FN1: variants seen among roughly 807,000 people sequenced by gnomAD.
FN1 encodes the protein fibronectin 1.
FN1 carries 106 observed loss-of-function variants against 297.3 expected under a neutral mutation model. That is an observed-to-expected ratio of 0.36 (90% CI 0.30 to 0.42). FN1 has a LOEUF of 0.42. Among genes scored for constraint, FN1 ranks in the 10% least tolerant of loss-of-function variants. The pLI, the probability that FN1 is intolerant of heterozygous loss-of-function variation, is 1.00. For missense variants in FN1, 2,690 were observed against 3,124.9 expected, an observed-to-expected ratio of 0.86 and a Z score of 3.32; for synonymous variants, 1,149 against 1,152.6, an observed-to-expected ratio of 1.00 and a Z score of 0.06.
At chr2:215,433,221 A>G (rs1398281604) in intron 3 of FN1, 103 bp downstream of exon 3, 4 of 1,476,400 alleles carry the variant, frequency 2.7e-6, no homozygotes, top group Non-Finnish European at 3.8e-6. Context: ...GCAAACCTCA[A>G]AGTTCGGAAT....
In FN1 at chr2:215,397,227, T is replaced by C. The variant is rs775279985; in HGVS notation, c.3518-4A>G. ...AAGTTTGTTGGTGGAGACAATGCTA[T>C]GCAGAAAGAACATTTTAAAAGTCAA... On this transcript the variant is annotated splice_region_variant and splice_polypyrimidine_tract_variant and intron_variant, in intron 22 of 45. Coordinates refer to ENST00000354785, the MANE Select transcript of FN1 (RefSeq NM_212482.4). 1.0e-5 allele frequency: 16 copies of C among 1,607,192 alleles called. No individual in the cohort carries two copies. The South Asian group carries it at 1.1e-4, about 11-fold the overall frequency.
At chr2:215,395,893 A>G (rs1414798634) in intron 23 of FN1, among the ~76,000 whole-genome samples, 1 of 116,444 alleles carries the variant, frequency 8.6e-6, no homozygotes, top group Non-Finnish European at 1.8e-5. Flanking sequence ...TGCTGCTAAC[A>G]AGCACGAAGA....
rs34085634 is a variant in FN1, at chr2:215,371,271, G to GAA, written c.6714+636_6714+637dup. Among the ~76,000 whole-genome samples, 614 of 146,958 alleles carry GAA rather than the reference G, an allele frequency of 4.2e-3. 11 individuals carry two copies. The highest frequency in any genetic ancestry group is 0.035 in the Admixed American group (517 of 14,860). The stretch of plus-strand genomic sequence containing the variant: ...CCATAGAGCAAGACTCCATCTCGGG[G>GAA]AAAAAAAAAAATGGATACTGTCAAC... On this transcript the variant is annotated intron_variant, in intron 40 of 45. Coordinates refer to ENST00000354785, the MANE Select transcript of FN1 (RefSeq NM_212482.4).
At chr2:215,369,075 A>G (rs1169516980) in intron 41 of FN1, among the ~76,000 whole-genome samples, 1 of 152,156 alleles carries the variant, frequency 6.6e-6, no homozygotes, top group Non-Finnish European at 1.5e-5. Context: ...GAACCTGGTT[A>G]GAATGTAGAA....
chr2:215,364,816 C>A, intron 44 of FN1, 63 bp downstream of exon 44: 1 of 1,108,528 alleles, frequency 9.0e-7, no homozygotes, highest in Non-Finnish European at 1.3e-6. Flanking sequence ...TACGACACAT[C>A]CTTGCAGGAG....
At chr2:215,435,613 C>G in intron 1 of FN1, 42 bp downstream of exon 1, 1 of 1,612,052 alleles carries the variant, frequency 6.2e-7, no homozygotes, top group Non-Finnish European at 8.5e-7. Flanking sequence ...TTTAGGGTCC[C>G]ATCCCTGAGG....
rs11693652 is a variant in FN1, at chr2:215,424,072, G to A, written c.1216+74C>T. 0.23 allele frequency: 334,055 copies of A among 1,468,950 alleles called. 42,086 individuals are homozygous for A. Among genetic ancestry groups the A allele is most frequent in the African/African-American group, 0.29 (20,649 of 72,134 alleles). The allele number at this position is 1,468,950 out of a possible 1,614,324, so 91.0% of individuals were successfully genotyped here. ...TGGGCGGGTTCAAAATAAATGGCTA[G>A]AATGCTGGCAAATAAAACTAGGGCA... On this transcript the variant is annotated intron_variant, in intron 8 of 45. Coordinates refer to ENST00000354785, the MANE Select transcript of FN1 (RefSeq NM_212482.4).
At position 215,364,903 on chromosome 2, in the gene FN1, G is replaced by A. The variant is rs1384262638; in HGVS notation, c.7227C>T (p.Ser2409=). 10 of 1,565,900 alleles carry A rather than the reference G, an allele frequency of 6.4e-6. No individual in the cohort carries two copies. Among genetic ancestry groups the A allele is most frequent in the Non-Finnish European group, 7.8e-6 (9 of 1,154,354 alleles). ...CCCGCTGGCCTCCAAAGCATGTGCA[G>A]GAGCAAATGGCACCGAGATATTCCT... ...WQKEYLGAIC[S]CTCFGGQRGW... The change falls in exon 44 of 46, where the codon TCC becomes TCT. Residue 2409 remains serine (S), a synonymous_variant. Coordinates refer to ENST00000354785, the MANE Select transcript of FN1 (RefSeq NM_212482.4).
At chr2:215,371,088 T>C (rs1263026038) in intron 40 of FN1, among the ~76,000 whole-genome samples, 1 of 150,872 alleles carries the variant, frequency 6.6e-6, no homozygotes, top group East Asian at 2.1e-4. Flanking sequence ...GCCAACATCG[T>C]GAAACCCCGT....
At chr2:215,371,311 A>G (rs1186240724) in intron 40 of FN1, among the ~76,000 whole-genome samples, 2 of 151,968 alleles carry the variant, frequency 1.3e-5, no homozygotes, top group African/African-American at 2.4e-5. Context: ...ATTAAATAAT[A>G]TACGTTTTAG....
intron 38 of FN1, among the ~76,000 whole-genome samples, chr2:215,373,656 C>T (rs866729698): frequency 4.7e-5 from 7 of 149,642 alleles, no homozygotes; most frequent in Non-Finnish European, 7.4e-5. Flanking sequence ...TTTTGGCTAA[C>T]TTTTCCAGGG....
Position 215,406,221 on chromosome 2 carries a change from GA to G in FN1, c.2986+16del. ...GTGGAGAATTTGGAGGGGAGATAGA[GA>G]TAGGAGAAGACATACTGGTTGTCTG... On this transcript the variant is annotated intron_variant, in intron 19 of 45. Transcript: ENST00000354785. The G allele has an allele frequency of 6.2e-7, 1 of 1,613,242 alleles. No homozygotes were observed.
chr2:215,375,452 C>T lies in FN1; in HGVS notation c.5978-59G>A, dbSNP rs964996880. 4.7e-6 allele frequency: 7 copies of T among 1,502,844 alleles called. No homozygotes were observed. The South Asian group carries it at 5.8e-5, about 13-fold the overall frequency. 93.1% of individuals were successfully genotyped at this position (1,502,844 alleles called of 1,614,324 possible). ...CAAATAACCAAGAAAATTACTCCCA[C>T]ACTTTTCTCCCGAGCCGTTCTAAAC... On this transcript the variant is annotated intron_variant, in intron 37 of 45. Transcript: ENST00000354785.
chr2:215,370,243 C>G lies in FN1; in HGVS notation c.6853+51G>C, dbSNP rs527529776. Reference sequence around the variant, plus strand: ...GTACAGTCAACAGAAAAGCCCATCTCTGGTGTACAGCAGAGGGGAGCCTGT... The same window carrying G: ...GTACAGTCAACAGAAAAGCCCATCTGTGGTGTACAGCAGAGGGGAGCCTGT... On this transcript the variant is annotated intron_variant, in intron 41 of 45. Transcript: ENST00000354785. 305 of 1,595,814 alleles carry G rather than the reference C, an allele frequency of 1.9e-4. 4 individuals carry two copies. The South Asian group carries it at 3.0e-3, about 16-fold the overall frequency.
At chr2:215,401,120 A>G (rs2060964441) in intron 20 of FN1, among the ~76,000 whole-genome samples, 2 of 151,040 alleles carry the variant, frequency 1.3e-5, no homozygotes, top group Admixed American at 1.3e-4. Context: ...TCTTATTTTT[A>G]AATAAAAGAT....
chr2:215,413,503 A>G (rs944283522), intron 13 of FN1, among the ~76,000 whole-genome samples: 1 of 152,186 alleles, frequency 6.6e-6, no homozygotes, highest in African/African-American at 2.4e-5. Context: ...TTAATTATCC[A>G]CAAGCCTACT....
intron 38 of FN1, among the ~76,000 whole-genome samples, chr2:215,373,686 T>C (rs1405439301): frequency 9.3e-5 from 3 of 32,194 alleles, no homozygotes; most frequent in Non-Finnish European, 4.1e-4. Flanking sequence ...TTTTTTTTTT[T>C]TTTTTTTTTT....
Position 215,379,224 on chromosome 2 carries a change from T to A in FN1, c.5528A>T (p.Tyr1843Phe). 1 of 1,614,096 alleles carries A rather than the reference T, an allele frequency of 6.2e-7. No individual in the cohort carries two copies. Among genetic ancestry groups the A allele is most frequent in the Non-Finnish European group, 8.5e-7 (1 of 1,180,000 alleles). Residue 1843 changes from tyrosine (Y) to phenylalanine (F), a missense_variant, in exon 34 of 46, where the codon TAT becomes TTT. Tyr to Phe is a conservative substitution (Grantham distance 22). This residue lies in a region of FN1 where 1,743 missense variants were observed against 1,945.2 expected (regional missense o/e 0.90). Coordinates refer to ENST00000354785, the MANE Select transcript of FN1 (RefSeq NM_212482.4). ...WTPPNVQLTGYRVRVTPKEKT... is the reference protein window; with the variant it reads ...WTPPNVQLTGFRVRVTPKEKT... ...CTCCTTGGGGGTCACCCGCACTCGA[T>A]ATCCAGTGAGCTGAACATTGGGTGG...
intron 38 of FN1, 105 bp from the exon 39 acceptor site, chr2:215,373,516 G>T (rs1457146662): frequency 3.4e-6 from 3 of 885,410 alleles, no homozygotes; most frequent in Non-Finnish European, 5.7e-6. Context: ...TTCCTCTCCA[G>T]CTGGCTGTTG....
Sources: allele counts gnomAD v4.1 joint callset (sites outside exome capture counted in the v4.1 genomes callset), GRCh38; gene constraint gnomAD v4.1.1; regional missense constraint gnomAD v4.1.1; transcripts MANE v1.5; gene names NCBI Gene and HGNC (gene_info 2026-07-23, HGNC 2026-07-21).